Variants in WWOX observed in about 807,000 individuals in gnomAD.
WWOX encodes WW domain-containing oxidoreductase.
In WWOX, 69 loss-of-function variants were observed where a neutral mutation model predicts 46.2. The observed-to-expected ratio is 1.49, with a 90% CI of 1.23 to 1.82. WWOX has a LOEUF of 1.82. WWOX is among the 40% of genes most tolerant of loss of function. The pLI is 0.00. For missense variants in WWOX, 919 were observed against 542.6 expected, an observed-to-expected ratio of 1.69 and a Z score of -6.89; for synonymous variants, 359 against 202.6, an observed-to-expected ratio of 1.77 and a Z score of -6.56.
chr16:78,679,475 C>T (rs569492728), intron 8 of WWOX, among the ~76,000 whole-genome samples: 5 of 152,116 alleles, frequency 3.3e-5, no homozygotes, highest in South Asian at 2.1e-4. Context: ...CACTTGATCC[C>T]GGGGGGCAGA....
chr16:78,861,188 T>G (rs1333252880), intron 8 of WWOX, among the ~76,000 whole-genome samples: 1 of 151,956 alleles, frequency 6.6e-6, no homozygotes, highest in African/African-American at 2.4e-5. Flanking sequence ...GCTTCTTTCC[T>G]TTTTTCCTTC....
chr16:78,775,234 G>T (rs760912684), intron 8 of WWOX, among the ~76,000 whole-genome samples: 2 of 152,108 alleles, frequency 1.3e-5, no homozygotes, highest in African/African-American at 4.8e-5. Flanking sequence ...ACTGTATTCA[G>T]CCCGGCCAAT....
At chr16:79,134,173 A>ATT (rs5818203) in intron 8 of WWOX, among the ~76,000 whole-genome samples, 1 of 151,254 alleles carries the variant, frequency 6.6e-6, no homozygotes, top group Non-Finnish European at 1.5e-5. Flanking sequence ...TTATCTTATG[A>ATT]TTTTTTTTTC....
At chr16:78,960,906 T>G (rs914972065) in intron 8 of WWOX, among the ~76,000 whole-genome samples, 1 of 152,228 alleles carries the variant, frequency 6.6e-6, no homozygotes, top group African/African-American at 2.4e-5. Flanking sequence ...AGTAAAGAAG[T>G]TCAGAACCTA....
intron 8 of WWOX, among the ~76,000 whole-genome samples, chr16:78,988,914 C>T (rs1055794155): frequency 3.3e-5 from 5 of 152,134 alleles, no homozygotes; most frequent in Non-Finnish European, 5.9e-5. Flanking sequence ...AGCAGATACA[C>T]GTGCTTCTTT....
intron 8 of WWOX, among the ~76,000 whole-genome samples, chr16:79,139,610 C>CT (rs1272515072): frequency 4.6e-5 from 7 of 151,244 alleles, no homozygotes; most frequent in African/African-American, 1.5e-4. Flanking sequence ...TTCTTTCTTT[C>CT]TTTTCTTTTT....
intron 5 of WWOX, among the ~76,000 whole-genome samples, chr16:78,305,031 C>A (rs1042272377): frequency 7.2e-5 from 11 of 151,726 alleles, no homozygotes; most frequent in African/African-American, 1.9e-4. Flanking sequence ...AACTTGGCAG[C>A]ACAGGGCAGT....
intron 8 of WWOX, among the ~76,000 whole-genome samples, chr16:78,659,881 C>A (rs2142168150): frequency 6.6e-6 from 1 of 152,254 alleles, no homozygotes; most frequent in East Asian, 1.9e-4. Context: ...AGTCCGGGTC[C>A]CCAGGCTCAA....
At chr16:78,353,229 T>G (rs935805468) in intron 5 of WWOX, among the ~76,000 whole-genome samples, 1 of 152,182 alleles carries the variant, frequency 6.6e-6, no homozygotes, top group African/African-American at 2.4e-5. Context: ...TGAGATTGTT[T>G]ATGTAGGGGC....
intron 8 of WWOX, among the ~76,000 whole-genome samples, chr16:78,519,334 T>C (rs2043301007): frequency 6.6e-6 from 1 of 152,170 alleles, no homozygotes; most frequent in African/African-American, 2.4e-5. Flanking sequence ...GCTCTGGTAA[T>C]AGTCATCTTC....
intron 8 of WWOX, among the ~76,000 whole-genome samples, chr16:78,822,909 T>A (rs1057333046): frequency 6.6e-6 from 1 of 151,234 alleles, no homozygotes; most frequent in Non-Finnish European, 1.5e-5. Flanking sequence ...TAAAGGGGCT[T>A]GATAAAGCCA....
chr16:78,193,885 T>A (rs868366462), intron 5 of WWOX, among the ~76,000 whole-genome samples: 2 of 151,388 alleles, frequency 1.3e-5, no homozygotes, highest in African/African-American at 4.8e-5. Context: ...TATTTTTTAT[T>A]TTTATTTTTT....
intron 8 of WWOX, among the ~76,000 whole-genome samples, chr16:78,782,422 G>T (rs560096910): frequency 2.5e-4 from 38 of 152,250 alleles, no homozygotes; most frequent in African/African-American, 8.2e-4. Context: ...GCTCTCTTAT[G>T]CTGGGGCAAC....
rs1555536293 is a variant in WWOX, at chr16:78,422,663, G to GTATGTATATATATA, written c.606-2204_606-2203insGTATATATATATAT. Among the ~76,000 whole-genome samples the GTATGTATATATATA allele has an allele frequency of 3.7e-4, 9 of 24,382 alleles. 1 individual carries two copies. Among genetic ancestry groups the GTATGTATATATATA allele is most frequent in the Non-Finnish European group, 3.2e-4 (3 of 9,242 alleles). The allele number at this position is 24,382 out of a possible 152,430, so 16.0% of individuals were successfully genotyped here. On this transcript the variant is annotated intron_variant, in intron 6 of 8. Coordinates refer to ENST00000566780, the MANE Select transcript of WWOX (RefSeq NM_016373.4). ...GCCCAGCCTCCTGTTTTTTTTACAT[G>GTATGTATATATATA]TATATATATATATATATATATACAC...
chr16:78,456,565 A>G (rs1445395140), intron 8 of WWOX, among the ~76,000 whole-genome samples: 2 of 152,332 alleles, frequency 1.3e-5, no homozygotes, highest in East Asian at 3.9e-4. Flanking sequence ...ATATTTTAAC[A>G]TAATTTGAAG....
chr16:78,940,062 C>G (rs528600109), intron 8 of WWOX, among the ~76,000 whole-genome samples: 14 of 152,208 alleles, frequency 9.2e-5, no homozygotes, highest in African/African-American at 3.4e-4. Flanking sequence ...TACTTTCATC[C>G]CATTATACAA....
intron 8 of WWOX, among the ~76,000 whole-genome samples, chr16:78,923,800 T>TAG (rs1421325600): frequency 3.0e-4 from 41 of 134,738 alleles, no homozygotes; most frequent in Admixed American, 1.0e-3. Context: ...GTTAGTTTTT[T>TAG]TTTTTTTTTT....
At chr16:78,276,846 A>G (rs375615831) in intron 5 of WWOX, among the ~76,000 whole-genome samples, 227 of 152,126 alleles carry the variant, frequency 1.5e-3, no homozygotes, top group South Asian at 4.4e-3. Flanking sequence ...CCTTGTCCCC[A>G]TTTTTCTTTG....
At chr16:78,832,341 G>A (rs574209441) in intron 8 of WWOX, among the ~76,000 whole-genome samples, 7 of 152,322 alleles carry the variant, frequency 4.6e-5, no homozygotes, top group South Asian at 4.1e-4. Context: ...GTGTGAGGAA[G>A]ATGTGGCATG....
Sources: allele counts gnomAD v4.1 joint callset (sites outside exome capture counted in the v4.1 genomes callset), GRCh38; gene constraint gnomAD v4.1.1; transcripts MANE v1.5; gene names NCBI Gene and HGNC (gene_info 2026-07-23, HGNC 2026-07-21).